The following ASPM variants were observed in gnomAD, a reference collection of about 807,000 sequenced individuals.
ASPM encodes the protein assembly factor for spindle microtubules.
Under a neutral mutation model 366.4 loss-of-function variants are expected in ASPM, and 256 were observed. That is an observed-to-expected ratio of 0.70 (90% CI 0.63 to 0.77). The LOEUF (loss-of-function observed/expected upper bound fraction) is 0.77. Ranked by LOEUF, ASPM falls within the 30% of genes least tolerant of loss-of-function variation. The pLI, the probability that ASPM is intolerant of heterozygous loss-of-function variation, is 0.00. For missense variants in ASPM, 4,146 were observed against 4,090.4 expected (o/e 1.01, Z -0.37); for synonymous variants, 1,414 against 1,342.9 (o/e 1.05, Z -1.16).
chr1:197,133,636 T>C (rs1199872872), intron 5 of ASPM, 41 bp from the exon 6 acceptor site: 3 of 1,590,292 alleles, frequency 1.9e-6, no homozygotes, highest in Non-Finnish European at 2.6e-6. Flanking sequence ...GGTTAAACAA[T>C]ATCTCTACAT....
chr1:197,144,709 A>G (rs1296423147), intron 1 of ASPM, among the ~76,000 whole-genome samples: 3 of 152,184 alleles, frequency 2.0e-5, no homozygotes, highest in African/African-American at 7.2e-5. Flanking sequence ...GCAGGTACCT[A>G]TTAGAACCCA....
At chr1:197,117,526 A>G (rs1339916362) in intron 17 of ASPM, among the ~76,000 whole-genome samples, 7 of 152,146 alleles carry the variant, frequency 4.6e-5, no homozygotes, top group African/African-American at 1.2e-4. Context: ...AGCATGTCCC[A>G]CAGCGTAGAA....
chr1:197,141,247 G>T (rs1465305177), intron 3 of ASPM, among the ~76,000 whole-genome samples: 4 of 151,788 alleles, frequency 2.6e-5, no homozygotes, highest in Non-Finnish European at 5.9e-5. Context: ...TTCAAATTTC[G>T]GTGTTTATGA....
chr1:197,127,544 G>A (rs1398486578), intron 10 of ASPM, among the ~76,000 whole-genome samples: 1 of 152,154 alleles, frequency 6.6e-6, no homozygotes, highest in Non-Finnish European at 1.5e-5. Flanking sequence ...ATATATTTTG[G>A]AGAGTTCCCT....
chr1:197,137,937 A>T (rs1312536182), intron 4 of ASPM, among the ~76,000 whole-genome samples: 1 of 152,236 alleles, frequency 6.6e-6, no homozygotes, highest in Non-Finnish European at 1.5e-5. Context: ...ACATAAAAGC[A>T]TGAGAGTTCT....
Position 197,100,847 on chromosome 1 carries a change from CAGA to C in ASPM, c.8401_8403del (p.Ser2801del), listed in dbSNP as rs777000251. 2 of 1,612,598 alleles carry C rather than the reference CAGA, an allele frequency of 1.2e-6. No individual in the cohort carries two copies. The highest frequency in any genetic ancestry group is 2.2e-5 in the East Asian group (1 of 44,812). On this transcript the variant is annotated inframe_deletion, in exon 18 of 28. Coordinates refer to ENST00000367409, the MANE Select transcript of ASPM (RefSeq NM_018136.5). ...TCTGCTTCCTGTGAACAAGCAAGGC[CAGA>C]AGCTTTATACCACTCTTGAATCATA...
At chr1:197,135,676 T>C (rs753697114) in intron 4 of ASPM, among the ~76,000 whole-genome samples, 1 of 151,646 alleles carries the variant, frequency 6.6e-6, no homozygotes, top group African/African-American at 2.4e-5. Context: ...TTATTTTCTT[T>C]TGGGTCTTTA....
chr1:197,092,949 T>G, intron 21 of ASPM, 103 bp downstream of exon 21: 1 of 990,378 alleles, frequency 1.0e-6, no homozygotes, highest in Non-Finnish European at 1.6e-6. Context: ...AATGGTCATA[T>G]TAGTTCTGAA....
intron 5 of ASPM, 88 bp downstream of exon 5, chr1:197,135,008 C>G (rs1658373169): frequency 3.2e-6 from 3 of 945,024 alleles, no homozygotes; most frequent in South Asian, 1.5e-5. Context: ...ATTATAATAA[C>G]TATGTATAAT....
chr1:197,133,211 T>C (rs1440231854), intron 6 of ASPM, 139 bp downstream of exon 6: 2 of 812,354 alleles, frequency 2.5e-6, no homozygotes, highest in Non-Finnish European at 3.7e-6. Flanking sequence ...TATATACATA[T>C]ATCAACATCA....
chr1:197,131,525 T>C (rs916114610), intron 7 of ASPM, among the ~76,000 whole-genome samples: 2 of 151,560 alleles, frequency 1.3e-5, no homozygotes, highest in Admixed American at 1.3e-4. Context: ...TAGGTTCAAC[T>C]CCTGACCAAA....
At position 197,133,593 on chromosome 1, in the gene ASPM, T is replaced by C; in HGVS notation, c.2176A>G (p.Asn726Asp). The C allele has an allele frequency of 6.2e-7, 1 of 1,612,642 alleles. No homozygotes were observed. The highest frequency in any genetic ancestry group is 8.5e-7 in the Non-Finnish European group (1 of 1,178,804). The part of the protein sequence containing the change: ...FTVKTNISEV[N>D]AATLLLGIEN... ...ATTCCCAAAAGAAGAGTAGCAGCAT[T>C]TACTGGGTAAAAACAAAAGAAAGAA... is the stretch of plus-strand genomic sequence containing the variant. The change falls in exon 6 of 28, where the codon AAT (asparagine) becomes GAT (aspartate). Residue 726 changes from asparagine to aspartate, a missense_variant and splice_region_variant. Physicochemically the swap from Asn to Asp is conservative, Grantham distance 23 (BLOSUM62 1). Transcript: ENST00000367409.
Position 197,088,327 on chromosome 1 carries a change from T to G in ASPM, c.10090A>C (p.Lys3364Gln). The change falls in exon 26 of 28, where the codon AAA (lysine) becomes CAA (glutamine). Residue 3364 changes from lysine (K) to glutamine (Q), a missense_variant. Coordinates refer to ENST00000367409, the MANE Select transcript of ASPM (RefSeq NM_018136.5). ...GTTTTTGTAAAAATGCTTCCGCCTT[T>G]GTCTGCAACTTTATTACCAGGCTTT... Reference protein sequence around the residue: ...REKPGNKVADKGGSIFTKTCC... With the variant: ...REKPGNKVADQGGSIFTKTCC... The G allele has an allele frequency of 1.9e-6, 3 of 1,613,628 alleles. No individual in the cohort carries two copies. The highest frequency in any genetic ancestry group is 2.5e-6 in the Non-Finnish European group (3 of 1,179,770).
chr1:197,130,885 T>C (rs1557959827), intron 7 of ASPM, among the ~76,000 whole-genome samples: 1 of 152,194 alleles, frequency 6.6e-6, no homozygotes, highest in Non-Finnish European at 1.5e-5. Flanking sequence ...GCCAATGGAA[T>C]GTGGGTGGAG....
chr1:197,116,671 C>G (rs1337082335), intron 17 of ASPM, among the ~76,000 whole-genome samples: 2 of 152,004 alleles, frequency 1.3e-5, no homozygotes, highest in Non-Finnish European at 2.9e-5. Context: ...ATCATAATAG[C>G]TCAAAACTGG....
In ASPM at chr1:197,109,401, G is replaced by A. The variant is rs1657515903; in HGVS notation, c.4066-4216C>T. Among the ~76,000 whole-genome samples, 3 of 152,168 alleles carry A rather than the reference G, an allele frequency of 2.0e-5. No homozygotes were observed. The East Asian group carries it at 5.8e-4, about 29-fold the overall frequency. On this transcript the variant is annotated intron_variant, in intron 17 of 27. Transcript: ENST00000367409. ...CAGTAAGATTAGAAACCCAATAAAT[G>A]TTAATATATCCATTGAAGCAGAAAA...
chr1:197,140,009 C>A (rs1320634229), intron 3 of ASPM, 138 bp from the exon 4 acceptor site: 2 of 629,640 alleles, frequency 3.2e-6, no homozygotes, highest in South Asian at 1.7e-5. Context: ...GTACTCCACG[C>A]ACTAATGCTA....
At position 197,102,981 on chromosome 1, in the gene ASPM, A is replaced by G; in HGVS notation, c.6270T>C (p.Tyr2090=). The part of the protein sequence containing the change: ...IKITNHQHKE[Y]LNLKKTAIKI... ...TAATTGCTGTCTTCTTCAAATTAAG[A>G]TACTCCTTATGCTGATGGTTTGTAA... The change falls in exon 18 of 28, where the codon TAT becomes TAC. Residue 2090 remains tyrosine, a synonymous_variant. Coordinates refer to ENST00000367409, the MANE Select transcript of ASPM (RefSeq NM_018136.5). The G allele has an allele frequency of 1.2e-6, 2 of 1,612,314 alleles. No individual in the cohort carries two copies. The highest frequency in any genetic ancestry group is 1.7e-6 in the Non-Finnish European group (2 of 1,179,068).
intron 8 of ASPM, 134 bp downstream of exon 8, chr1:197,129,781 G>A (rs2125107767): frequency 1.0e-6 from 1 of 998,808 alleles, no homozygotes; most frequent in East Asian, 2.6e-5. Context: ...GTGGAGGAAG[G>A]GAGAGTACTA....
Sources: gnomAD v4.1 joint callset for allele counts (sites outside exome capture counted in the v4.1 genomes callset) on GRCh38, gnomAD v4.1.1 for gene constraint, MANE v1.5 for transcripts, NCBI Gene and HGNC (gene_info 2026-07-23, HGNC 2026-07-21) for gene names.